SMAP2: variants seen among roughly 807,000 people sequenced by gnomAD.
SMAP2 encodes the protein stromal membrane-associated protein 2.
SMAP2 carries 25 observed loss-of-function variants against 56.4 expected under a neutral mutation model. The observed-to-expected ratio is 0.44, with a 90% confidence interval of 0.32 to 0.62. SMAP2 has a LOEUF of 0.62. SMAP2 is among the 20% of genes least tolerant of loss of function. SMAP2 has a pLI of 0.04. For synonymous variants in SMAP2, 157 were observed against 181.7 expected, an observed-to-expected ratio of 0.86 and a Z score of 1.09; for missense variants, 388 against 545.6, an observed-to-expected ratio of 0.71 and a Z score of 2.88.
chr1:40,393,712 A>C (rs2124285178), intron 1 of SMAP2, among the ~76,000 whole-genome samples: 1 of 151,918 alleles, frequency 6.6e-6, no homozygotes, highest in African/African-American at 2.4e-5. Flanking sequence ...TGCCTGGCTA[A>C]TTTTTGTATT....
At chr1:40,384,002 T>G (rs1301274739) in intron 1 of SMAP2, among the ~76,000 whole-genome samples, 3 of 152,174 alleles carry the variant, frequency 2.0e-5, no homozygotes, top group African/African-American at 7.2e-5. Flanking sequence ...GTTCAAGTGA[T>G]TCTCATGCCT....
At chr1:40,390,891 CAA>C (rs1389388929) in intron 1 of SMAP2, among the ~76,000 whole-genome samples, 2 of 152,200 alleles carry the variant, frequency 1.3e-5, no homozygotes, top group Admixed American at 1.3e-4. Flanking sequence ...TGTTACAGAA[CAA>C]GAGAGGCTTT....
chr1:40,376,553 C>A (rs1005640963), intron 1 of SMAP2, among the ~76,000 whole-genome samples: 19 of 152,172 alleles, frequency 1.2e-4, no homozygotes. Flanking sequence ...TCCCATTCCA[C>A]CCCTCCAAGC....
At chr1:40,353,799 C>A (rs888907785) in intron 1 of SMAP2, among the ~76,000 whole-genome samples, 4 of 151,796 alleles carry the variant, frequency 2.6e-5, no homozygotes, top group Admixed American at 6.6e-5. Context: ...CTATGTTGGC[C>A]AGGGTGGTCT....
chr1:40,416,848 C>G lies in SMAP2; in HGVS notation c.916C>G (p.Pro306Ala), dbSNP rs1644992620. The G allele has an allele frequency of 6.2e-7, 1 of 1,614,024 alleles. No homozygotes were observed. Among genetic ancestry groups the G allele is most frequent in the Non-Finnish European group, 8.5e-7 (1 of 1,179,986 alleles). The stretch of plus-strand genomic sequence containing the variant: ...CCCCAGCTTCCCCGGGGTTACACCT[C>G]CTAACAGCATAATGGGGAGCATGAT... ...AYPSFPGVTP[P>A]NSIMGSMMPP... Residue 306 changes from proline (P) to alanine (A), a missense_variant, in exon 9 of 10, where the codon CCT (proline) becomes GCT (alanine). Coordinates refer to ENST00000372718, the MANE Select transcript of SMAP2 (RefSeq NM_022733.3).
At chr1:40,416,383 A>T in intron 8 of SMAP2, 42 bp downstream of exon 8, 1 of 1,583,242 alleles carries the variant, frequency 6.3e-7, no homozygotes, top group Non-Finnish European at 8.6e-7. Flanking sequence ...AGGTAGAGAC[A>T]TGAGGGCTTC....
At chr1:40,389,915 C>G (rs1644699193) in intron 1 of SMAP2, among the ~76,000 whole-genome samples, 1 of 138,688 alleles carries the variant, frequency 7.2e-6, no homozygotes, top group South Asian at 2.6e-4. Flanking sequence ...TCCACCCACT[C>G]CCCTCCCCCG....
intron 1 of SMAP2, among the ~76,000 whole-genome samples, chr1:40,391,288 C>T (rs988157208): frequency 1.3e-5 from 2 of 152,180 alleles, no homozygotes; most frequent in Admixed American, 1.3e-4. Flanking sequence ...AATCAGTAAG[C>T]ATGCATTAAG....
In SMAP2 at chr1:40,374,613, G is replaced by T. The variant is rs1323419177; in HGVS notation, c.103+390G>T. 4 of 1,410,402 alleles carry T rather than the reference G, an allele frequency of 2.8e-6. No individual in the cohort carries two copies. The highest frequency in any genetic ancestry group is 2.9e-6 in the Non-Finnish European group (3 of 1,021,972). The allele number at this position is 1,410,402 out of a possible 1,614,324, so 87.4% of individuals were successfully genotyped here. ...CGTGCGTGCGTGTGTGTGTGTGTGTGTGTGTGTGTGTGAGAGAGAGAGAGA... is the reference window on the plus strand; with the variant it reads ...CGTGCGTGCGTGTGTGTGTGTGTGTTTGTGTGTGTGTGAGAGAGAGAGAGA... On this transcript the variant is annotated intron_variant, in intron 1 of 9. Coordinates refer to ENST00000372718, the MANE Select transcript of SMAP2 (RefSeq NM_022733.3). The surrounding 1 kb of genome is among the most constrained non-coding windows in gnomAD (Gnocchi z 5.9).
At chr1:40,354,488 A>C (rs1644424838) in intron 1 of SMAP2, among the ~76,000 whole-genome samples, 1 of 151,592 alleles carries the variant, frequency 6.6e-6, no homozygotes, top group Non-Finnish European at 1.5e-5. Flanking sequence ...ACAGGCGCCC[A>C]CCACCACACC....
intron 4 of SMAP2, among the ~76,000 whole-genome samples, chr1:40,411,618 T>C (rs1030655956): frequency 2.0e-5 from 3 of 152,230 alleles, no homozygotes; most frequent in Non-Finnish European, 4.4e-5. Flanking sequence ...TGTACTTAGA[T>C]TTTTTTCATA....
chr1:40,347,240 G>GTGTTTTTT (rs58284805), intron 1 of SMAP2, among the ~76,000 whole-genome samples: 10 of 88,400 alleles, frequency 1.1e-4, no homozygotes, highest in African/African-American at 3.6e-4. Flanking sequence ...GTGTGTGTGT[G>GTGTTTTTT]TTTTGTTTTT....
At chr1:40,419,884 A>C (rs1569933159) in intron 9 of SMAP2, among the ~76,000 whole-genome samples, 1 of 152,302 alleles carries the variant, frequency 6.6e-6, no homozygotes, top group East Asian at 1.9e-4. Flanking sequence ...ATACTTATTT[A>C]TAAGAAGTAC....
intron 2 of SMAP2, among the ~76,000 whole-genome samples, chr1:40,363,915 C>T (rs1398859968): frequency 6.6e-6 from 1 of 152,178 alleles, no homozygotes; most frequent in Non-Finnish European, 1.5e-5. Flanking sequence ...CAGCTGTAGC[C>T]AGAGGGGAAT....
In SMAP2 at chr1:40,386,853, CTTTTTT is replaced by C. The variant is rs57984975; in HGVS notation, c.103+12643_103+12648del. 3.5e-3 allele frequency among the ~76,000 whole-genome samples: 449 copies of C among 127,348 alleles called. 4 individuals are homozygous for C. The highest frequency in any genetic ancestry group is 0.012 in the African/African-American group (412 of 33,740). 83.5% of individuals were successfully genotyped at this position (127,348 alleles called of 152,430 possible). A position where few individuals can be genotyped will look rare whatever the true frequency, so the allele number is the denominator to read the frequency against. ...GATGCTGAAGGTATTTTTCATAATT[CTTTTTT>C]TTTTTTTTTTTTGGAGACAAGGTCT... On this transcript the variant is annotated intron_variant, in intron 1 of 9. Coordinates refer to ENST00000372718, the MANE Select transcript of SMAP2 (RefSeq NM_022733.3). The surrounding 1 kb of genome is among the most constrained non-coding windows in gnomAD (Gnocchi z 4.1).
intron 2 of SMAP2, 139 bp downstream of exon 2, chr1:40,407,008 C>A (rs994938086): frequency 3.6e-5 from 30 of 836,648 alleles, no homozygotes; most frequent in Non-Finnish European, 5.0e-5. Context: ...GATTCTTGTA[C>A]CCTAACAGAA....
intron 1 of SMAP2, among the ~76,000 whole-genome samples, chr1:40,361,549 A>G (rs1288758069): frequency 6.6e-6 from 1 of 152,118 alleles, no homozygotes; most frequent in Non-Finnish European, 1.5e-5. Flanking sequence ...TCCAGACCTT[A>G]GCTCTTAGAT....
chr1:40,380,539 T>TTTTTTC (rs1314269794), intron 1 of SMAP2, among the ~76,000 whole-genome samples: 1 of 151,332 alleles, frequency 6.6e-6, no homozygotes, highest in Non-Finnish European at 1.5e-5. Flanking sequence ...CTTTTTTTTT[T>TTTTTTC]TCTCTTTTGA....
At chr1:40,362,023 G>A (rs1327548499) in intron 1 of SMAP2, among the ~76,000 whole-genome samples, 2 of 152,202 alleles carry the variant, frequency 1.3e-5, no homozygotes, top group African/African-American at 4.8e-5. Flanking sequence ...AGGGCATGAT[G>A]TATCTTGGGG....
Sources: gnomAD v4.1 joint callset for allele counts (sites outside exome capture counted in the v4.1 genomes callset) on GRCh38, gnomAD v4.1.1 for gene constraint, Gnocchi (gnomAD v3.1) non-coding constraint, MANE v1.5 for transcripts, NCBI Gene and HGNC (gene_info 2026-07-23, HGNC 2026-07-21) for gene names.